FCHO2: variants seen among roughly 807,000 people sequenced by gnomAD.
FCHO2 encodes FCH and mu domain containing endocytic adaptor 2, also known as F-BAR domain only protein 2.
In FCHO2, 43 loss-of-function variants were observed where a neutral mutation model predicts 114.1. The observed-to-expected ratio is 0.38, with a 90% CI of 0.30 to 0.49. The LOEUF (loss-of-function observed/expected upper bound fraction) is 0.49, where lower values mean the gene tolerates loss of function less well. FCHO2 is among the 20% of genes least tolerant of loss of function. The probability of loss-of-function intolerance (pLI) is 0.97; values close to 1 mark genes in which losing one functional copy is unlikely to be tolerated. For missense variants in FCHO2, 807 were observed against 950.4 expected (o/e 0.85, Z 1.98); for synonymous variants, 293 against 315.2 (o/e 0.93, Z 0.75).
chr5:73,073,732 T>C (rs1233434837), intron 19 of FCHO2, among the ~76,000 whole-genome samples: 1 of 152,110 alleles, frequency 6.6e-6, no homozygotes. Context: ...TCAGAGGTAA[T>C]TCATTGTTTC....
intron 11 of FCHO2, among the ~76,000 whole-genome samples, chr5:73,043,982 A>G (rs1201637053): frequency 2.6e-5 from 4 of 152,080 alleles, no homozygotes; most frequent in Non-Finnish European, 5.9e-5. Flanking sequence ...GTGGGAGGCA[A>G]TTGGGTCAGG....
At chr5:73,073,673 G>C (rs182008103) in intron 19 of FCHO2, among the ~76,000 whole-genome samples, 3 of 152,114 alleles carry the variant, frequency 2.0e-5, no homozygotes, top group Non-Finnish European at 4.4e-5. Flanking sequence ...TAGTTGTGAG[G>C]CAGAAAAAGC....
At chr5:73,034,438 G>A in intron 8 of FCHO2, 2 of 434,660 alleles carry the variant, frequency 4.6e-6, no homozygotes, top group Middle Eastern at 6.1e-4. Context: ...GATCATAATG[G>A]GCTAGTCTTG....
chr5:73,042,656 AT>A, intron 11 of FCHO2, among the ~76,000 whole-genome samples: 1 of 152,296 alleles, frequency 6.6e-6, no homozygotes, highest in Non-Finnish European at 1.5e-5. Flanking sequence ...TTATAAAAGG[AT>A]TTGAATTATC....
chr5:73,079,559 A>G (rs1384183018), intron 22 of FCHO2, among the ~76,000 whole-genome samples: 1 of 152,218 alleles, frequency 6.6e-6, no homozygotes, highest in Non-Finnish European at 1.5e-5. Context: ...TAGCCAAAGT[A>G]AAATCCATGT....
chr5:72,991,764 G>A (rs1239181179), intron 5 of FCHO2, among the ~76,000 whole-genome samples: 1 of 152,146 alleles, frequency 6.6e-6, no homozygotes, highest in Non-Finnish European at 1.5e-5. Flanking sequence ...AGTAAAAAAG[G>A]AAACCAAATT....
chr5:73,004,551 A>C (rs774606144), intron 5 of FCHO2, among the ~76,000 whole-genome samples: 1 of 152,196 alleles, frequency 6.6e-6, no homozygotes, highest in African/African-American at 2.4e-5. Context: ...TAATAAAAGC[A>C]GGCACTATTT....
At position 72,963,916 on chromosome 5, in the gene FCHO2, T is replaced by G. The variant is rs913192402; in HGVS notation, c.34-4582T>G. 3.5e-4 allele frequency among the ~76,000 whole-genome samples: 51 copies of G among 146,110 alleles called. 1 individual carries two copies. The highest frequency in any genetic ancestry group is 2.2e-3 in the South Asian group (10 of 4,466). The stretch of plus-strand genomic sequence containing the variant: ...GGGAACTTTCAGTTTTTTTTTTTTT[T>G]TTTTTTTTTTTTTGTTTATGAATTA... On this transcript the variant is annotated intron_variant, in intron 1 of 25. Transcript: ENST00000430046.
At position 72,989,503 on chromosome 5, in the gene FCHO2, TG is replaced by T; in HGVS notation, c.200+3del. ...TGCAAGCAATTATTCACAACTTGGG[TG>T]AGTTAATTTCTTCCTCTTTTTCAGT... On this transcript the variant is annotated splice_donor_region_variant and intron_variant, in intron 3 of 25. Transcript: ENST00000430046. 2 of 1,594,640 alleles carry T rather than the reference TG, an allele frequency of 1.3e-6. No homozygotes were observed. Among genetic ancestry groups the T allele is most frequent in the Non-Finnish European group, 1.7e-6 (2 of 1,169,614 alleles).
rs760103395 is a variant in FCHO2, at chr5:73,087,612, T to C, written c.2269T>C (p.Phe757Leu). 6.2e-7 allele frequency: 1 copy of C among 1,613,906 alleles called. No individual in the cohort carries two copies. ...NGGSGSLRAK[F>L]DLSEGPSKPT... is the part of the protein sequence containing the mutation. ...AGGTTCTGGGTCCCTCCGAGCAAAA[T>C]TTGATCTTTCAGAAGGACCTAGTAA... The change falls in exon 25 of 26, where the codon TTT (phenylalanine) becomes CTT (leucine). Residue 757 changes from phenylalanine to leucine, a missense_variant. Phe to Leu is a conservative substitution (Grantham distance 22, BLOSUM62 0). Transcript: ENST00000430046.
At chr5:73,054,614 TTTTACC>T in intron 15 of FCHO2, 65 bp downstream of exon 15, 1 of 1,190,866 alleles carries the variant, frequency 8.4e-7, no homozygotes, top group Non-Finnish European at 1.2e-6. Context: ...TTTGTTAGTC[TTTTACC>T]TTTAGCTGTA....
At chr5:73,068,083 G>A (rs1742448689) in intron 18 of FCHO2, among the ~76,000 whole-genome samples, 1 of 151,978 alleles carries the variant, frequency 6.6e-6, no homozygotes, top group Non-Finnish European at 1.5e-5. Context: ...TAAAGGACAA[G>A]CAATATTTAA....
chr5:72,975,615 G>A (rs1037542190), intron 2 of FCHO2, among the ~76,000 whole-genome samples: 5 of 151,958 alleles, frequency 3.3e-5, no homozygotes, highest in African/African-American at 4.8e-5. Context: ...AGCAATTCTT[G>A]TGCCTCAGCC....
intron 2 of FCHO2, among the ~76,000 whole-genome samples, chr5:72,974,146 G>T (rs1380746513): frequency 6.7e-6 from 1 of 149,416 alleles, no homozygotes; most frequent in Admixed American, 6.7e-5. Flanking sequence ...TTTGGAATAG[G>T]TGTGGTGTGG....
chr5:73,046,878 T>C (rs1757085556), intron 11 of FCHO2, among the ~76,000 whole-genome samples: 1 of 152,182 alleles, frequency 6.6e-6, no homozygotes, highest in Non-Finnish European at 1.5e-5. Context: ...AGTCTGGAAG[T>C]GATAGTCACA....
At chr5:73,035,423 A>C (rs1014717399) in intron 9 of FCHO2, among the ~76,000 whole-genome samples, 12 of 152,060 alleles carry the variant, frequency 7.9e-5, no homozygotes, top group Non-Finnish European at 1.5e-4. Context: ...TGTCTCAAAA[A>C]CAACAACAAA....
At chr5:72,959,400 TG>T (rs1325771381) in intron 1 of FCHO2, among the ~76,000 whole-genome samples, 1 of 152,064 alleles carries the variant, frequency 6.6e-6, no homozygotes, top group Non-Finnish European at 1.5e-5. Context: ...CCCAGCTACT[TG>T]GAAGGCTAAG....
chr5:72,993,586 G>GTGTGCTACCCTT, intron 5 of FCHO2, among the ~76,000 whole-genome samples: 1 of 152,114 alleles, frequency 6.6e-6, no homozygotes, highest in African/African-American at 2.4e-5. Flanking sequence ...TTCCTCATAT[G>GTGTGCTACCCTT]AAATCAGAAT....
chr5:73,007,813 G>A (rs895636346), intron 6 of FCHO2, among the ~76,000 whole-genome samples: 2 of 152,182 alleles, frequency 1.3e-5, no homozygotes, highest in African/African-American at 4.8e-5. Context: ...TATAAGTATT[G>A]CAAAGGAAAA....
Sources: gnomAD v4.1 joint callset for allele counts (sites outside exome capture counted in the v4.1 genomes callset) on GRCh38, gnomAD v4.1.1 for gene constraint, MANE v1.5 for transcripts, NCBI Gene and HGNC (gene_info 2026-07-23, HGNC 2026-07-21) for gene names.